EML6: variants seen among roughly 807,000 people sequenced by gnomAD.
EML6 encodes the protein echinoderm microtubule-associated protein-like 6.
EML6 carries 154 observed loss-of-function variants against 240.1 expected under a neutral mutation model. The observed-to-expected ratio is 0.64, with a 90% confidence interval of 0.56 to 0.73. The LOEUF (loss-of-function observed/expected upper bound fraction) is 0.73, where lower values mean the gene tolerates loss of function less well. EML6 is among the 30% of genes least tolerant of loss of function. The probability of loss-of-function intolerance (pLI) is 0.00; values close to 1 mark genes in which losing one functional copy is unlikely to be tolerated. For synonymous variants in EML6, 1,148 were observed against 899.0 expected, an observed-to-expected ratio of 1.28 and a Z score of -4.95; for missense variants, 2,964 against 2,474.6, an observed-to-expected ratio of 1.20 and a Z score of -4.20.
At chr2:54,830,456 A>T (rs1260151336) in intron 7 of EML6, among the ~76,000 whole-genome samples, 1 of 152,142 alleles carries the variant, frequency 6.6e-6, no homozygotes, top group Non-Finnish European at 1.5e-5. Context: ...TTTCCTGAGC[A>T]TCTTTTAGAG....
At chr2:54,894,772 G>C in intron 19 of EML6, 143 bp from the exon 20 acceptor site, 1 of 596,470 alleles carries the variant, frequency 1.7e-6, no homozygotes, top group Non-Finnish European at 3.0e-6. Context: ...TTCGAACATT[G>C]TTATCACCAG....
At chr2:54,959,062 T>G (rs897286795) in intron 33 of EML6, 42 bp from the exon 34 acceptor site, 1 of 1,519,334 alleles carries the variant, frequency 6.6e-7, no homozygotes, top group Admixed American at 2.1e-5. Context: ...AGGGACCCGC[T>G]TGAGTGTGTT....
intron 8 of EML6, among the ~76,000 whole-genome samples, chr2:54,846,355 T>C (rs951151051): frequency 2.6e-5 from 4 of 151,994 alleles, no homozygotes; most frequent in Non-Finnish European, 5.9e-5. Flanking sequence ...TACATACATA[T>C]ATAATTATAT....
intron 10 of EML6, among the ~76,000 whole-genome samples, chr2:54,852,634 G>A (rs1670152618): frequency 6.6e-6 from 1 of 152,170 alleles, no homozygotes; most frequent in African/African-American, 2.4e-5. Flanking sequence ...GAAAGACTGT[G>A]TTCCAACTAC....
At chr2:54,961,073 T>C (rs1435651171) in intron 35 of EML6, among the ~76,000 whole-genome samples, 1 of 151,926 alleles carries the variant, frequency 6.6e-6, no homozygotes, top group Admixed American at 6.6e-5. Flanking sequence ...TACCACATGA[T>C]TCAAAACTGG....
intron 2 of EML6, among the ~76,000 whole-genome samples, chr2:54,799,832 AT>A (rs1227319874): frequency 1.3e-5 from 2 of 152,250 alleles, no homozygotes; most frequent in South Asian, 2.1e-4. Context: ...GACAAAACTC[AT>A]TTTGAGTCTT....
At chr2:54,872,905 T>C (rs966655401) in intron 16 of EML6, among the ~76,000 whole-genome samples, 2 of 152,330 alleles carry the variant, frequency 1.3e-5, no homozygotes, top group East Asian at 3.9e-4. Flanking sequence ...ATGGCACCCA[T>C]TGCTCTTGTG....
At chr2:54,784,367 A>G (rs769952413) in intron 2 of EML6, among the ~76,000 whole-genome samples, 2 of 152,218 alleles carry the variant, frequency 1.3e-5, no homozygotes, top group Admixed American at 6.5e-5. Flanking sequence ...TATGAGTAGA[A>G]TTACCAGGTA....
chr2:54,817,018 C>T lies in EML6; in HGVS notation c.456+133C>T, dbSNP rs563871558. ...TTTTTCCTATTAAACTTATAATCAT[C>T]CTCTTTTTTCATGATTAATAGCTAA... On this transcript the variant is annotated intron_variant, in intron 4 of 41. Transcript: ENST00000356458. The T allele has an allele frequency of 6.7e-5, 40 of 599,462 alleles. No homozygotes were observed. In the Middle Eastern group the frequency reaches 8.0e-4, roughly 12 times the overall value. The allele number at this position is 599,462 out of a possible 1,614,324, so 37.1% of individuals were successfully genotyped here.
intron 17 of EML6, among the ~76,000 whole-genome samples, chr2:54,885,130 C>G (rs1006106543): frequency 2.6e-5 from 4 of 151,998 alleles, no homozygotes; most frequent in Non-Finnish European, 2.9e-5. Flanking sequence ...GCACTCCAGC[C>G]TGAGTGACAG....
chr2:54,724,936 T>G lies in EML6; in HGVS notation c.-126T>G. ...CGGCCGGCCCGCTGGGCTGTGCCTG[T>G]GTGTCGCCGCGGAAATCAGCGCCCT... On this transcript the variant is annotated 5_prime_UTR_variant, in exon 2 of 42. Transcript: ENST00000356458. The surrounding 1 kb of genome is among the most constrained non-coding windows in gnomAD (Gnocchi z 5.2). The G allele has an allele frequency of 2.8e-6, 2 of 711,128 alleles. No homozygotes were observed. Among genetic ancestry groups the G allele is most frequent in the Non-Finnish European group, 3.8e-6 (2 of 524,960 alleles). The allele number at this position is 711,128 out of a possible 1,614,324, so 44.1% of individuals were successfully genotyped here.
intron 2 of EML6, among the ~76,000 whole-genome samples, chr2:54,795,218 T>C (rs1212173716): frequency 6.6e-6 from 1 of 152,136 alleles, no homozygotes; most frequent in African/African-American, 2.4e-5. Context: ...CACTTCAGCA[T>C]GGGTGGGGAG....
rs1668532497 is a variant in EML6 at position 54,774,893 on chromosome 2, T to C, written c.198-38339T>C. On this transcript the variant is annotated intron_variant, in intron 2 of 41. Transcript: ENST00000356458. This position sits in a 1 kb window ranked among gnomAD's most constrained non-coding sequence, Gnocchi z 4.1. ...CTTTTGCCTTTGTTTTTCACCCAAG[T>C]GGAAATACAGAAAGTGCTTACAACA... is the stretch of plus-strand genomic sequence containing the variant. 6.6e-6 allele frequency among the ~76,000 whole-genome samples: 1 copy of C among 152,274 alleles called. No homozygotes were observed. The highest frequency in any genetic ancestry group is 2.1e-4 in the South Asian group (1 of 4,838).
chr2:54,871,640 TTG>T, intron 16 of EML6, 35 bp downstream of exon 16: 1 of 1,431,828 alleles, frequency 7.0e-7, no homozygotes, highest in Non-Finnish European at 9.6e-7. Flanking sequence ...TGGTTCTACG[TTG>T]AGAGAGAGAG....
chr2:54,880,311 A>G (rs1176113254), intron 17 of EML6: 2 of 152,210 alleles, frequency 1.3e-5, no homozygotes, highest in East Asian at 1.9e-4. Flanking sequence ...GCCCAGCAAT[A>G]CAATTTGTTG....
chr2:54,728,480 T>A (rs766556992), intron 2 of EML6, among the ~76,000 whole-genome samples: 12 of 152,206 alleles, frequency 7.9e-5, no homozygotes, highest in Non-Finnish European at 1.6e-4. Flanking sequence ...TGTACAATGC[T>A]GCTTTAGGGG....
intron 10 of EML6, among the ~76,000 whole-genome samples, chr2:54,852,236 C>G (rs1260993582): frequency 1.3e-5 from 2 of 152,156 alleles, no homozygotes; most frequent in African/African-American, 4.8e-5. Flanking sequence ...AGAGATTCAT[C>G]TGACTTACAT....
Position 54,869,294 on chromosome 2 carries a change from T to C in EML6, c.2165T>C (p.Leu722Pro), listed in dbSNP as rs1671132770. The stretch of plus-strand genomic sequence containing the variant: ...AATCGGCAGCAGCACTCCCAGAGGC[T>C]GTACCTGGGGCACGATGACGACATT... Reference protein sequence around the residue: ...VYNRQQHSQRLYLGHDDDILS... With the variant: ...VYNRQQHSQRPYLGHDDDILS... The change falls in exon 15 of 42, where the codon CTG becomes CCG. Residue 722 changes from leucine to proline, a missense_variant. Physicochemically the swap from Leu to Pro is moderately conservative, Grantham distance 98. Transcript: ENST00000356458. 2 of 1,551,632 alleles carry C rather than the reference T, an allele frequency of 1.3e-6. No homozygotes were observed. Among genetic ancestry groups the C allele is most frequent in the Non-Finnish European group, 8.7e-7 (1 of 1,146,952 alleles).
At position 54,816,861 on chromosome 2, in the gene EML6, G is replaced by A. The variant is rs1412620629; in HGVS notation, c.432G>A (p.Ala144=). The change falls in exon 4 of 42, where the codon GCG becomes GCA. Residue 144 remains alanine (A), a synonymous_variant. Transcript: ENST00000356458. ...IWDWRKGKLL[A]SATGHSDRIF... The stretch of plus-strand genomic sequence containing the variant: ...ACTGGAGGAAGGGAAAACTTCTGGC[G>A]TCAGCCACCGGCCATTCTGACAGGG... The A allele has an allele frequency of 2.8e-5, 44 of 1,551,170 alleles. No homozygotes were observed. The highest frequency in any genetic ancestry group is 8.2e-5 in the African/African-American group (6 of 73,042).
Sources: gnomAD v4.1 joint callset for allele counts (sites outside exome capture counted in the v4.1 genomes callset) on GRCh38, gnomAD v4.1.1 for gene constraint, Gnocchi (gnomAD v3.1) non-coding constraint, MANE v1.5 for transcripts, NCBI Gene and HGNC (gene_info 2026-07-23, HGNC 2026-07-21) for gene names.